The following PTPRO variants were observed in gnomAD, a reference collection of about 807,000 sequenced individuals.
The protein encoded by PTPRO is receptor-type tyrosine-protein phosphatase O.
A neutral mutation model predicts 145.2 loss-of-function variants in PTPRO; 62 were observed. That is an observed-to-expected ratio of 0.43 (90% CI 0.35 to 0.53). PTPRO has a LOEUF of 0.53. PTPRO is among the 20% of genes least tolerant of loss of function. The probability of loss-of-function intolerance (pLI) is 0.01; values close to 1 mark genes in which losing one functional copy is unlikely to be tolerated. For synonymous variants in PTPRO, 565 were observed against 514.7 expected (o/e 1.10, Z -1.32); for missense variants, 1,345 against 1,482.7 (o/e 0.91, Z 1.53).
At chr12:15,570,027 A>C (rs1462777451) in intron 19 of PTPRO, among the ~76,000 whole-genome samples, 1 of 152,164 alleles carries the variant, frequency 6.6e-6, no homozygotes, top group Non-Finnish European at 1.5e-5. Context: ...CAAATTGGGG[A>C]GATAAAGTTA....
At chr12:15,481,310 T>C (rs1286573578) in intron 1 of PTPRO, among the ~76,000 whole-genome samples, 1 of 152,212 alleles carries the variant, frequency 6.6e-6, no homozygotes, top group East Asian at 1.9e-4. Flanking sequence ...CCTTGATACA[T>C]TCTCCTAGAA....
chr12:15,544,996 G>A (rs761543682), intron 12 of PTPRO, among the ~76,000 whole-genome samples: 5 of 152,116 alleles, frequency 3.3e-5, no homozygotes, highest in Admixed American at 6.5e-5. Flanking sequence ...AAAGAAACAT[G>A]CTTCTTTTTA....
At position 15,501,786 on chromosome 12, in the gene PTPRO, G is replaced by C; in HGVS notation, c.828G>C (p.Ser276=). Residue 276 remains serine, a synonymous_variant, in exon 5 of 27, where the codon TCG becomes TCC. Transcript: ENST00000281171. ...HFTEETPEIP[S]GNISSGWPDF... ...CAGAAGAAACCCCTGAAATTCCCTC[G>C]GGCAACATTTCTTCCGGTTGGCCTG... 2 of 1,614,004 alleles carry C rather than the reference G, an allele frequency of 1.2e-6. No homozygotes were observed. The highest frequency in any genetic ancestry group is 1.7e-6 in the Non-Finnish European group (2 of 1,180,002).
intron 1 of PTPRO, among the ~76,000 whole-genome samples, chr12:15,384,580 A>G (rs1938963947): frequency 6.6e-6 from 1 of 152,078 alleles, no homozygotes; most frequent in African/African-American, 2.4e-5. Flanking sequence ...AATTTTATCA[A>G]ATTAGGAACC....
In PTPRO at chr12:15,447,812, A is replaced by G. The variant is rs76726981; in HGVS notation, c.76-36162A>G. ...TGAGTTCCTGGTTCCTTGGAAACTA[A>G]TGGTTTCATTCTCTGCAGATTGATC... On this transcript the variant is annotated intron_variant, in intron 1 of 26. Coordinates refer to ENST00000281171, the MANE Select transcript of PTPRO (RefSeq NM_030667.3). Among the ~76,000 whole-genome samples the G allele has an allele frequency of 1.5e-3, 235 of 152,278 alleles. 2 individuals are homozygous for G. Among genetic ancestry groups the G allele is most frequent in the African/African-American group, 5.3e-3 (221 of 41,576 alleles).
chr12:15,516,728 C>T (rs1565678907), intron 8 of PTPRO, 35 bp from the exon 9 acceptor site: 2 of 1,547,652 alleles, frequency 1.3e-6, no homozygotes, highest in Admixed American at 3.3e-5. Flanking sequence ...TCCTTCTTAA[C>T]TTTCTTTTTC....
At chr12:15,548,394 T>A (rs1322100589) in intron 13 of PTPRO, among the ~76,000 whole-genome samples, 1 of 152,174 alleles carries the variant, frequency 6.6e-6, no homozygotes, top group Admixed American at 6.5e-5. Context: ...AAATTTTAAA[T>A]GTACACTTTT....
intron 1 of PTPRO, among the ~76,000 whole-genome samples, chr12:15,477,169 C>G (rs1941672740): frequency 1.5e-5 from 1 of 68,776 alleles, no homozygotes; most frequent in African/African-American, 5.7e-5. Flanking sequence ...TACTATGCAG[C>G]CATAAAAAAT....
intron 1 of PTPRO, among the ~76,000 whole-genome samples, chr12:15,407,923 G>T (rs1361259915): frequency 6.6e-6 from 1 of 152,188 alleles, no homozygotes; most frequent in Non-Finnish European, 1.5e-5. Context: ...AATGATGAGA[G>T]AGAAGTAGGC....
intron 7 of PTPRO, among the ~76,000 whole-genome samples, chr12:15,512,269 C>A (rs1453718836): frequency 1.3e-5 from 2 of 152,032 alleles, no homozygotes; most frequent in Non-Finnish European, 2.9e-5. Flanking sequence ...AGTGAGCCAC[C>A]ACGCCTCACT....
intron 1 of PTPRO, among the ~76,000 whole-genome samples, chr12:15,408,488 G>A (rs1332587712): frequency 5.9e-5 from 9 of 152,170 alleles, no homozygotes; most frequent in African/African-American, 2.2e-4. Context: ...GTGTGCAGTG[G>A]CATGATCTCC....
At chr12:15,480,349 G>A (rs1453316984) in intron 1 of PTPRO, among the ~76,000 whole-genome samples, 1 of 152,110 alleles carries the variant, frequency 6.6e-6, no homozygotes, top group African/African-American at 2.4e-5. Context: ...TGAGTATTAT[G>A]TTATAAAGGC....
intron 1 of PTPRO, among the ~76,000 whole-genome samples, chr12:15,331,158 A>G (rs61907985): frequency 1.2e-3 from 190 of 152,184 alleles, no homozygotes; most frequent in Non-Finnish European, 2.1e-3. Context: ...ACAGCCAGAG[A>G]GGTACAGAAG....
intron 1 of PTPRO, among the ~76,000 whole-genome samples, chr12:15,351,742 T>A (rs904757205): frequency 3.3e-5 from 5 of 152,228 alleles, no homozygotes; most frequent in Non-Finnish European, 7.3e-5. Flanking sequence ...ATTCTTAAAC[T>A]GGTTGGAGTT....
rs1944668933 is a variant in PTPRO at position 15,596,845 on chromosome 12, T to C, written c.*772T>C. Reference sequence around the variant, plus strand: ...GACTAATGTTACTGTCCAAGTTCTTTCTCAAGAAACCACATCTGGTTCAGA... The same window carrying C: ...GACTAATGTTACTGTCCAAGTTCTTCCTCAAGAAACCACATCTGGTTCAGA... On this transcript the variant is annotated 3_prime_UTR_variant, in exon 27 of 27. Coordinates refer to ENST00000281171, the MANE Select transcript of PTPRO (RefSeq NM_030667.3). 1 of 152,672 alleles carries C rather than the reference T, an allele frequency of 6.5e-6. No homozygotes were observed. The highest frequency in any genetic ancestry group is 1.9e-4 in the East Asian group (1 of 5,204). 9.5% of individuals were successfully genotyped at this position (152,672 alleles called of 1,614,324 possible). A position where few individuals can be genotyped will look rare whatever the true frequency, so the allele number is the denominator to read the frequency against.
chr12:15,564,426 G>C (rs1338513825), intron 17 of PTPRO, among the ~76,000 whole-genome samples: 1 of 152,174 alleles, frequency 6.6e-6, no homozygotes, highest in Non-Finnish European at 1.5e-5. Context: ...AACTGAATAA[G>C]CATTTATTGA....
At chr12:15,517,219 C>T (rs1029506439) in intron 9 of PTPRO, among the ~76,000 whole-genome samples, 1 of 152,160 alleles carries the variant, frequency 6.6e-6, no homozygotes, top group African/African-American at 2.4e-5. Flanking sequence ...CAAGTCATGT[C>T]TTATACAGAT....
At chr12:15,445,888 G>A (rs1405783227) in intron 1 of PTPRO, among the ~76,000 whole-genome samples, 1 of 152,068 alleles carries the variant, frequency 6.6e-6, no homozygotes, top group Non-Finnish European at 1.5e-5. Context: ...AAAATGGGAG[G>A]ACAGAAACAG....
chr12:15,330,995 G>A (rs527418358), intron 1 of PTPRO, among the ~76,000 whole-genome samples: 22 of 152,200 alleles, frequency 1.4e-4, no homozygotes, highest in African/African-American at 4.8e-4. Context: ...TACTTGATAT[G>A]AGTCTGAAGG....
Sources: allele counts gnomAD v4.1 joint callset (sites outside exome capture counted in the v4.1 genomes callset), GRCh38; gene constraint gnomAD v4.1.1; transcripts MANE v1.5; gene names NCBI Gene and HGNC (gene_info 2026-07-23, HGNC 2026-07-21).